The following NUBPL variants were observed in gnomAD, a reference collection of about 807,000 sequenced individuals.
NUBPL encodes the protein iron-sulfur cluster transfer protein NUBPL.
In NUBPL, 31 loss-of-function variants were observed where a neutral mutation model predicts 45.7. The ratio of observed to expected loss-of-function variants is 0.68; its 90% CI spans 0.51 to 0.92. NUBPL has a LOEUF of 0.92. Among genes scored for constraint, NUBPL ranks in the 40% least tolerant of loss-of-function variants. The pLI is 0.00. For synonymous variants in NUBPL, 144 were observed against 140.9 expected, an observed-to-expected ratio of 1.02 and a Z score of -0.15; for missense variants, 401 against 398.7, an observed-to-expected ratio of 1.01 and a Z score of -0.05.
chr14:31,602,886 A>G (rs774379733), intron 4 of NUBPL, among the ~76,000 whole-genome samples: 1 of 152,120 alleles, frequency 6.6e-6, no homozygotes. Context: ...CCAAAACATT[A>G]TTTTCTTTCC....
chr14:31,684,281 G>A (rs1471896848), intron 6 of NUBPL, among the ~76,000 whole-genome samples: 2 of 152,072 alleles, frequency 1.3e-5, no homozygotes, highest in Middle Eastern at 3.4e-3. Context: ...CATGTACATG[G>A]GTTTTGTAAT....
chr14:31,719,686 C>G (rs1164980632), intron 6 of NUBPL, among the ~76,000 whole-genome samples: 1 of 151,802 alleles, frequency 6.6e-6, no homozygotes, highest in Non-Finnish European at 1.5e-5. Context: ...ATAAAAAAGT[C>G]TTATACTTGT....
intron 6 of NUBPL, among the ~76,000 whole-genome samples, chr14:31,679,598 G>A (rs2036782106): frequency 6.6e-6 from 1 of 152,130 alleles, no homozygotes; most frequent in Admixed American, 6.5e-5. Context: ...TGGATATGCA[G>A]TTGTGCTCCA....
chr14:31,841,597 T>C (rs7158089), intron 8 of NUBPL, among the ~76,000 whole-genome samples: 41,289 of 152,076 alleles, frequency 0.27, 6,344 homozygotes, highest in East Asian at 0.48. Flanking sequence ...CACTCTTGAA[T>C]CATATCTTTT....
intron 4 of NUBPL, among the ~76,000 whole-genome samples, chr14:31,651,255 A>G (rs2035996466): frequency 6.6e-6 from 1 of 152,028 alleles, no homozygotes; most frequent in African/African-American, 2.4e-5. Flanking sequence ...GCCTCAGCCA[A>G]CTGAGTAGCT....
At position 31,669,797 on chromosome 14, in the gene NUBPL, G is replaced by GTTTTTTTTTTTTT. The variant is rs1211411877; in HGVS notation, c.383-3547_383-3546insTTTTTTTTTTTTT. 4.4e-4 allele frequency among the ~76,000 whole-genome samples: 30 copies of GTTTTTTTTTTTTT among 68,632 alleles called. 2 individuals carry two copies. The highest frequency in any genetic ancestry group is 1.0e-3 in the East Asian group (2 of 1,946). The allele number at this position is 68,632 out of a possible 152,430, so 45.0% of individuals were successfully genotyped here. A position where few individuals can be genotyped will look rare whatever the true frequency, so the allele number is the denominator to read the frequency against. On this transcript the variant is annotated intron_variant, in intron 4 of 10. Transcript: ENST00000281081. ...TCTTCCTGCAAAAGACATGATCTTG[G>GTTTTTTTTTTTTT]TTTTTTTTTTTGTTTTTTTTTTTTT...
chr14:31,629,103 A>T (rs967337366), intron 4 of NUBPL, among the ~76,000 whole-genome samples: 1 of 152,218 alleles, frequency 6.6e-6, no homozygotes, highest in African/African-American at 2.4e-5. Flanking sequence ...ACCCTCTTGG[A>T]TCATCTGAAA....
chr14:31,788,885 G>A (rs929877829), intron 7 of NUBPL, among the ~76,000 whole-genome samples: 1 of 152,160 alleles, frequency 6.6e-6, no homozygotes, highest in Admixed American at 6.5e-5. Context: ...CTTCACAGAG[G>A]TGGTAGTATA....
At chr14:31,854,183 C>T (rs1372314748) in intron 10 of NUBPL, among the ~76,000 whole-genome samples, 1 of 152,184 alleles carries the variant, frequency 6.6e-6, no homozygotes, top group Admixed American at 6.5e-5. Flanking sequence ...CCTTTGTGCA[C>T]TTTGGTTACC....
chr14:31,633,192 G>A (rs1326766041), intron 4 of NUBPL, among the ~76,000 whole-genome samples: 2 of 152,128 alleles, frequency 1.3e-5, no homozygotes, highest in Non-Finnish European at 2.9e-5. Context: ...GGTGCATAGT[G>A]CATGGCCTTT....
intron 7 of NUBPL, among the ~76,000 whole-genome samples, chr14:31,814,028 A>G (rs1411074170): frequency 1.3e-5 from 2 of 152,222 alleles, no homozygotes; most frequent in African/African-American, 4.8e-5. Context: ...AGAATGATTT[A>G]TAATCCTTTG....
At chr14:31,655,514 A>G (rs1157116257) in intron 4 of NUBPL, among the ~76,000 whole-genome samples, 1 of 152,108 alleles carries the variant, frequency 6.6e-6, no homozygotes, top group Non-Finnish European at 1.5e-5. Context: ...GGAGTTTGAG[A>G]CCAGCCTGGG....
At chr14:31,673,697 T>A in intron 6 of NUBPL, 123 bp downstream of exon 6, 1 of 822,634 alleles carries the variant, frequency 1.2e-6, no homozygotes, top group Non-Finnish European at 2.1e-6. Context: ...GTATAATGCG[T>A]AATATGGCAC....
At chr14:31,603,154 G>T (rs1400824267) in intron 4 of NUBPL, among the ~76,000 whole-genome samples, 1 of 151,812 alleles carries the variant, frequency 6.6e-6, no homozygotes. Flanking sequence ...AAAAAAATTA[G>T]CTGGGCATGG....
intron 7 of NUBPL, among the ~76,000 whole-genome samples, chr14:31,817,801 C>T (rs1037836042): frequency 9.2e-5 from 14 of 152,096 alleles, no homozygotes; most frequent in African/African-American, 2.9e-4. Flanking sequence ...ATCAAATTCA[C>T]AAATAACTGT....
At chr14:31,850,459 G>C (rs2040521132) in intron 10 of NUBPL, among the ~76,000 whole-genome samples, 1 of 152,146 alleles carries the variant, frequency 6.6e-6, no homozygotes, top group Admixed American at 6.5e-5. Flanking sequence ...CGTGAAAAGA[G>C]AGTTTGTAAA....
At chr14:31,770,902 T>C (rs2038997474) in intron 6 of NUBPL, among the ~76,000 whole-genome samples, 2 of 152,186 alleles carry the variant, frequency 1.3e-5, no homozygotes, top group Admixed American at 6.5e-5. Flanking sequence ...AGAGCTACAA[T>C]TTCTCTCAGT....
chr14:31,814,058 G>C (rs1471541267), intron 7 of NUBPL, among the ~76,000 whole-genome samples: 1 of 152,176 alleles, frequency 6.6e-6, no homozygotes, highest in African/African-American at 2.4e-5. Flanking sequence ...CCAGCAATGG[G>C]ATTGCTGGGT....
chr14:31,645,785 C>G (rs1010056644), intron 4 of NUBPL, among the ~76,000 whole-genome samples: 1 of 134,788 alleles, frequency 7.4e-6, no homozygotes. Context: ...CCCCCCCCCC[C>G]ACATTTTGAC....
Sources: allele counts gnomAD v4.1 joint callset (sites outside exome capture counted in the v4.1 genomes callset), GRCh38; gene constraint gnomAD v4.1.1; transcripts MANE v1.5; gene names NCBI Gene and HGNC (gene_info 2026-07-23, HGNC 2026-07-21).